The following NCOA3 variants were observed in gnomAD, a reference collection of about 807,000 sequenced individuals.
The protein encoded by NCOA3 is nuclear receptor coactivator 3, also known as CBP-interacting protein.
In NCOA3, 51 loss-of-function variants were observed where a neutral mutation model predicts 158.8. That is an observed-to-expected ratio of 0.32 (90% CI 0.26 to 0.41). The LOEUF is 0.41. Ranked by LOEUF, NCOA3 falls within the 10% of genes least tolerant of loss-of-function variation. The probability of loss-of-function intolerance (pLI) is 1.00; values close to 1 mark genes in which losing one functional copy is unlikely to be tolerated. For missense variants in NCOA3, 1,510 were observed against 1,746.6 expected (o/e 0.86, Z 2.41); for synonymous variants, 537 against 592.4 (o/e 0.91, Z 1.36).
intron 2 of NCOA3, among the ~76,000 whole-genome samples, chr20:47,619,007 C>G (rs532804026): frequency 4.6e-5 from 7 of 152,176 alleles, no homozygotes; most frequent in African/African-American, 1.7e-4. Context: ...AAGTTTAATG[C>G]AGTAGGATTG....
chr20:47,619,743 G>A (rs1049953107), intron 2 of NCOA3, among the ~76,000 whole-genome samples: 1 of 150,670 alleles, frequency 6.6e-6, no homozygotes. Context: ...CAATTATAGA[G>A]ACATAACAAG....
chr20:47,536,871 T>G (rs2084642487), intron 1 of NCOA3, among the ~76,000 whole-genome samples: 1 of 150,382 alleles, frequency 6.6e-6, no homozygotes, highest in Non-Finnish European at 1.5e-5. Context: ...TAGTGCAATC[T>G]CGGCTCACTG....
At chr20:47,503,487 T>G (rs937200583) in intron 1 of NCOA3, among the ~76,000 whole-genome samples, 1 of 152,220 alleles carries the variant, frequency 6.6e-6, no homozygotes, top group African/African-American at 2.4e-5. Context: ...GCAAAGACTG[T>G]TACTGGTTTT....
chr20:47,560,922 C>T (rs2085091109), intron 1 of NCOA3, among the ~76,000 whole-genome samples: 1 of 149,044 alleles, frequency 6.7e-6, no homozygotes, highest in Non-Finnish European at 1.5e-5. Flanking sequence ...TTTAGGTGTA[C>T]CTGAGCAGTG....
intron 8 of NCOA3, 123 bp from the exon 9 acceptor site, chr20:47,633,373 A>G (rs16992677): frequency 0.012 from 11,181 of 928,860 alleles, 517 homozygotes; most frequent in African/African-American, 0.12. Context: ...AATTTGGATC[A>G]GAGAAGGTGG....
At chr20:47,551,300 T>C (rs1272940856) in intron 1 of NCOA3, among the ~76,000 whole-genome samples, 2 of 152,188 alleles carry the variant, frequency 1.3e-5, no homozygotes, top group African/African-American at 4.8e-5. Flanking sequence ...AATCTTCTGG[T>C]AGGTACTTGA....
chr20:47,540,984 G>A (rs1028093254), intron 1 of NCOA3, among the ~76,000 whole-genome samples: 3 of 152,084 alleles, frequency 2.0e-5, no homozygotes, highest in African/African-American at 7.2e-5. Flanking sequence ...GTTTGAACAT[G>A]AACTATTGTA....
chr20:47,637,985 T>C (rs2086543592), intron 13 of NCOA3, among the ~76,000 whole-genome samples: 1 of 152,226 alleles, frequency 6.6e-6, no homozygotes. Context: ...TTAAATAAAT[T>C]TCCCACTTCT....
intron 1 of NCOA3, among the ~76,000 whole-genome samples, chr20:47,566,067 G>A (rs1188637803): frequency 1.3e-5 from 2 of 151,946 alleles, no homozygotes; most frequent in Admixed American, 1.3e-4. Flanking sequence ...TCTGCCTCCC[G>A]GGTTCAAGCG....
chr20:47,570,391 T>C lies in NCOA3; in HGVS notation c.-98-12792T>C, dbSNP rs186721707. 1.1e-3 allele frequency among the ~76,000 whole-genome samples: 170 copies of C among 152,292 alleles called. 2 individuals carry two copies. Among genetic ancestry groups the C allele is most frequent in the Non-Finnish European group, 8.8e-5 (6 of 68,010 alleles). ...GGGTGGTTGAGGCCTCAGTGAGCTG[T>C]GGTACGCCACTGCATTTCAGCCTAG... On this transcript the variant is annotated intron_variant, in intron 1 of 22. Coordinates refer to ENST00000371998, the MANE Select transcript of NCOA3 (RefSeq NM_181659.3).
At chr20:47,621,705 A>T (rs750026994) in intron 2 of NCOA3, among the ~76,000 whole-genome samples, 1 of 135,776 alleles carries the variant, frequency 7.4e-6, no homozygotes. Flanking sequence ...CCCAGGCTGG[A>T]GTGCAGTGGT....
At chr20:47,612,614 T>C (rs978839560) in intron 2 of NCOA3, among the ~76,000 whole-genome samples, 4 of 152,190 alleles carry the variant, frequency 2.6e-5, no homozygotes, top group African/African-American at 9.7e-5. Flanking sequence ...CTGGTGGTGA[T>C]TGATGAGGAA....
rs549927578 is a variant in NCOA3 at position 47,635,044 on chromosome 20, G to T, written c.1113-278G>T. ...CCTGGGCTCAGGCGATCCTCCCACC[G>T]CAGCCTCCTGAATAGCTAGGACTAG... On this transcript the variant is annotated intron_variant, in intron 10 of 22. Coordinates refer to ENST00000371998, the MANE Select transcript of NCOA3 (RefSeq NM_181659.3). Among the ~76,000 whole-genome samples the T allele has an allele frequency of 3.4e-5, 5 of 148,774 alleles. No homozygotes were observed. The South Asian group carries it at 1.1e-3, about 33-fold the overall frequency.
chr20:47,581,409 C>T (rs6066394), intron 1 of NCOA3, among the ~76,000 whole-genome samples: 44,423 of 151,980 alleles, frequency 0.29, 7,151 homozygotes, highest in East Asian at 0.58. Context: ...GATTTTCTCC[C>T]CTCTAATTTT....
chr20:47,626,233 C>A (rs2086319581), intron 5 of NCOA3, among the ~76,000 whole-genome samples: 2 of 152,178 alleles, frequency 1.3e-5, no homozygotes, highest in Admixed American at 1.3e-4. Context: ...TTGTCAACTT[C>A]TTTTTGTTTC....
At chr20:47,531,065 C>T (rs574851033) in intron 1 of NCOA3, among the ~76,000 whole-genome samples, 2 of 152,128 alleles carry the variant, frequency 1.3e-5, no homozygotes, top group Non-Finnish European at 2.9e-5. Context: ...TGGCTGGGTG[C>T]GGTGGCTCAC....
At chr20:47,606,675 A>C (rs1330582693) in intron 2 of NCOA3, among the ~76,000 whole-genome samples, 1 of 152,152 alleles carries the variant, frequency 6.6e-6, no homozygotes, top group East Asian at 1.9e-4. Context: ...TGTCTCCGGG[A>C]AAAGCACTTG....
chr20:47,619,947 C>T (rs922888220), intron 2 of NCOA3, among the ~76,000 whole-genome samples: 4 of 151,890 alleles, frequency 2.6e-5, no homozygotes, highest in African/African-American at 9.7e-5. Context: ...AGGCGCCTGC[C>T]ACCACGCCCA....
chr20:47,537,653 C>T (rs1032743838), intron 1 of NCOA3, among the ~76,000 whole-genome samples: 1 of 149,208 alleles, frequency 6.7e-6, no homozygotes, highest in Non-Finnish European at 1.5e-5. Flanking sequence ...GATCTCAGCT[C>T]ACTGGAACCT....
Sources: allele counts gnomAD v4.1 joint callset (sites outside exome capture counted in the v4.1 genomes callset), GRCh38; gene constraint gnomAD v4.1.1; transcripts MANE v1.5; gene names NCBI Gene and HGNC (gene_info 2026-07-23, HGNC 2026-07-21).